The following CCR7 variants were observed in gnomAD, a reference collection of about 807,000 sequenced individuals.
The protein encoded by CCR7 is C-C chemokine receptor type 7.
Under a neutral mutation model 26.0 loss-of-function variants are expected in CCR7, and 11 were observed. The observed-to-expected ratio is 0.42, with a 90% CI of 0.27 to 0.70. The LOEUF (loss-of-function observed/expected upper bound fraction) is 0.70, where lower values mean the gene tolerates loss of function less well. Ranked by LOEUF, CCR7 falls within the 30% of genes least tolerant of loss-of-function variation. The probability of loss-of-function intolerance (pLI) is 0.23; values close to 1 mark genes in which losing one functional copy is unlikely to be tolerated. For synonymous variants in CCR7, 189 were observed against 202.1 expected (o/e 0.94, Z 0.55); for missense variants, 360 against 504.0 (o/e 0.71, Z 2.74).
In CCR7 at chr17:40,554,886, G is replaced by A; in HGVS notation, c.993C>T (p.Val331=). 1.9e-6 allele frequency: 3 copies of A among 1,614,238 alleles called. No homozygotes were observed. The highest frequency in any genetic ancestry group is 2.5e-6 in the Non-Finnish European group (3 of 1,180,044). ...VNPFLYAFIG[V]KFRNDLFKLF... is the part of the protein sequence containing the mutation. The stretch of plus-strand genomic sequence containing the variant: ...GCTTGAAGAGATCGTTGCGGAACTT[G>A]ACGCCGATGAAGGCGTACAAGAAAG... The change falls in exon 3 of 3, where the codon GTC becomes GTT. Residue 331 remains valine, a synonymous_variant. Coordinates refer to ENST00000246657, the MANE Select transcript of CCR7 (RefSeq NM_001838.4).
chr17:40,556,444 G>C (rs2036588215), intron 2 of CCR7, among the ~76,000 whole-genome samples: 1 of 152,214 alleles, frequency 6.6e-6, no homozygotes, highest in Non-Finnish European at 1.5e-5. Flanking sequence ...AAGTCTGAGA[G>C]ACTCTACATG....
At chr17:40,564,136 G>A (rs1266009802) in intron 1 of CCR7, among the ~76,000 whole-genome samples, 1 of 152,108 alleles carries the variant, frequency 6.6e-6, no homozygotes, top group Non-Finnish European at 1.5e-5. Flanking sequence ...GGATTTAAGG[G>A]TAGATTGGCT....
chr17:40,561,941 C>T (rs1305720194), intron 1 of CCR7, among the ~76,000 whole-genome samples: 1 of 152,142 alleles, frequency 6.6e-6, no homozygotes, highest in East Asian at 1.9e-4. Flanking sequence ...ACTGCTGTAT[C>T]CAATGAGATA....
chr17:40,563,165 C>T (rs183343300), intron 1 of CCR7, among the ~76,000 whole-genome samples: 3 of 152,312 alleles, frequency 2.0e-5, no homozygotes, highest in Admixed American at 6.5e-5. Context: ...GTGTCACTCT[C>T]CCCACCAGAC....
chr17:40,554,122 C>T lies in CCR7; in HGVS notation c.*620G>A, dbSNP rs2036547729. 6.5e-6 allele frequency: 1 copy of T among 152,760 alleles called. No individual in the cohort carries two copies. Among genetic ancestry groups the T allele is most frequent in the African/African-American group, 2.4e-5 (1 of 41,456 alleles). 9.5% of individuals were successfully genotyped at this position (152,760 alleles called of 1,614,324 possible). Reference sequence around the variant, plus strand: ...CACCACACTCTCCCCTGTTGAGAGCCTGGGAGGGCGACGCGGCAAGTGAGG... The same window carrying T: ...CACCACACTCTCCCCTGTTGAGAGCTTGGGAGGGCGACGCGGCAAGTGAGG... On this transcript the variant is annotated 3_prime_UTR_variant, in exon 3 of 3. Coordinates refer to ENST00000246657, the MANE Select transcript of CCR7 (RefSeq NM_001838.4).
At chr17:40,564,656 AGAGTT>A (rs1476632944) in intron 1 of CCR7, among the ~76,000 whole-genome samples, 1 of 152,172 alleles carries the variant, frequency 6.6e-6, no homozygotes, top group African/African-American at 2.4e-5. Flanking sequence ...TCTAAAGAGT[AGAGTT>A]ATCTGCCGGG....
Position 40,555,386 on chromosome 17 carries a change from G to C in CCR7, c.493C>G (p.His165Asp). 6.2e-7 allele frequency: 1 copy of C among 1,614,092 alleles called. No homozygotes were observed. The highest frequency in any genetic ancestry group is 8.5e-7 in the Non-Finnish European group (1 of 1,180,034). ...YVAIVQAVSA[H>D]RHRARVLLIS... ...AGAAGGACGCGGGCACGGTGGCGGT[G>C]AGCTGAGACAGCCTGGACGATGGCC... Residue 165 changes from histidine (H) to aspartate (D), a missense_variant, in exon 3 of 3, where the codon CAC becomes GAC. Coordinates refer to ENST00000246657, the MANE Select transcript of CCR7 (RefSeq NM_001838.4). This position sits in a 1 kb window ranked among gnomAD's most constrained non-coding sequence, Gnocchi z 5.6.
chr17:40,562,588 C>A (rs963320691), intron 1 of CCR7, among the ~76,000 whole-genome samples: 1 of 152,218 alleles, frequency 6.6e-6, no homozygotes, highest in East Asian at 1.9e-4. Flanking sequence ...AATTCACCTA[C>A]TTGAAAAATA....
At position 40,555,018 on chromosome 17, in the gene CCR7, C is replaced by T. The variant is rs755945560; in HGVS notation, c.861G>A (p.Thr287=). ...TACTGGTGATGTTGAAGTTGGCCAC[C>T]GTCTGGGCCAGGACCACCCCATTGT... ...LPYNGVVLAQ[T]VANFNITSST... The change falls in exon 3 of 3, where the codon ACG becomes ACA. Residue 287 remains threonine (T), a synonymous_variant. Coordinates refer to ENST00000246657, the MANE Select transcript of CCR7 (RefSeq NM_001838.4). This position sits in a 1 kb window ranked among gnomAD's most constrained non-coding sequence, Gnocchi z 5.6. 16 of 1,614,056 alleles carry T rather than the reference C, an allele frequency of 9.9e-6. No homozygotes were observed. Among genetic ancestry groups the T allele is most frequent in the East Asian group, 2.2e-5 (1 of 44,900 alleles).
At position 40,555,822 on chromosome 17, in the gene CCR7, C is replaced by T. The variant is rs747948317; in HGVS notation, c.61-4G>A. 1.0e-5 allele frequency: 16 copies of T among 1,605,142 alleles called. No homozygotes were observed. The African/African-American group carries it at 1.2e-4, about 12-fold the overall frequency. ...CCTCATCTTGACACAGGCATACCTTCGGGGAAGGAAATGAGGGAAAACAGG... is the reference window on the plus strand; with the variant it reads ...CCTCATCTTGACACAGGCATACCTTTGGGGAAGGAAATGAGGGAAAACAGG... On this transcript the variant is annotated splice_polypyrimidine_tract_variant and splice_region_variant and intron_variant, in intron 2 of 2. Transcript: ENST00000246657. The surrounding 1 kb of genome is among the most constrained non-coding windows in gnomAD (Gnocchi z 5.6).
At chr17:40,558,855 G>A (rs588019) in intron 2 of CCR7, 38 bp downstream of exon 2, 115,576 of 1,594,012 alleles carry the variant, frequency 0.073, 4,654 homozygotes, top group South Asian at 0.1. Flanking sequence ...AGGCCGTGTG[G>A]AGAAGGGAAC....
At chr17:40,560,465 C>T (rs1335247880) in intron 1 of CCR7, among the ~76,000 whole-genome samples, 1 of 152,202 alleles carries the variant, frequency 6.6e-6, no homozygotes, top group Non-Finnish European at 1.5e-5. Context: ...CTGGAAGCCT[C>T]CCTGCATGGC....
chr17:40,565,297 C>A (rs939798409), intron 1 of CCR7, 103 bp downstream of exon 1: 14 of 999,094 alleles, frequency 1.4e-5, no homozygotes, highest in Non-Finnish European at 2.1e-5. Flanking sequence ...CCAGGAAGCA[C>A]CCCTATGCGC....
intron 2 of CCR7, among the ~76,000 whole-genome samples, chr17:40,556,732 T>A (rs2143908197): frequency 6.6e-6 from 1 of 151,900 alleles, no homozygotes; most frequent in African/African-American, 2.4e-5. Flanking sequence ...CTTGGTGGAG[T>A]TTTCCAGGGG....
In CCR7 at chr17:40,555,570, T is replaced by G; in HGVS notation, c.309A>C (p.Ala103=). The G allele has an allele frequency of 6.2e-7, 1 of 1,614,096 alleles. No individual in the cohort carries two copies. The highest frequency in any genetic ancestry group is 1.3e-5 in the African/African-American group (1 of 75,036). ...GAAGGGTCAGGAGGAAGAGGATGTC[T>G]GCCACCGCCAGGTTGAGCAGGTAGG... ...TDTYLLNLAV[A]DILFLLTLPF... Residue 103 remains alanine, a synonymous_variant, in exon 3 of 3, where the codon GCA becomes GCC. Transcript: ENST00000246657. The surrounding 1 kb of genome is among the most constrained non-coding windows in gnomAD (Gnocchi z 5.6).
Position 40,554,889 on chromosome 17 carries a change from G to A in CCR7, c.990C>T (p.Gly330=), listed in dbSNP as rs559131183. The change falls in exon 3 of 3, where the codon GGC becomes GGT. Residue 330 remains glycine (G), a synonymous_variant. Transcript: ENST00000246657. ...CVNPFLYAFI[G]VKFRNDLFKL... is the part of the protein sequence containing the mutation. ...TGAAGAGATCGTTGCGGAACTTGACGCCGATGAAGGCGTACAAGAAAGGGT... is the reference window on the plus strand; with the variant it reads ...TGAAGAGATCGTTGCGGAACTTGACACCGATGAAGGCGTACAAGAAAGGGT... 97 of 1,614,194 alleles carry A rather than the reference G, an allele frequency of 6.0e-5. No homozygotes were observed. The South Asian group carries it at 1.0e-3, about 17-fold the overall frequency.
At chr17:40,558,992 G>T (rs984119925) in intron 1 of CCR7, 50 bp from the exon 2 acceptor site, 1 of 1,508,462 alleles carries the variant, frequency 6.6e-7, no homozygotes, top group African/African-American at 1.4e-5. Context: ...ACAAGTCTTT[G>T]TTATTAAAGA....
At position 40,553,938 on chromosome 17, in the gene CCR7, G is replaced by A. The variant is rs909371763; in HGVS notation, c.*804C>T. Reference sequence around the variant, plus strand: ...ACAAAGAACAAAGAACAAGCTCGTGGGCCTTGGGCGGCCACTGTCACCCTC... The same window carrying A: ...ACAAAGAACAAAGAACAAGCTCGTGAGCCTTGGGCGGCCACTGTCACCCTC... On this transcript the variant is annotated 3_prime_UTR_variant, in exon 3 of 3. Coordinates refer to ENST00000246657, the MANE Select transcript of CCR7 (RefSeq NM_001838.4). 1 of 152,144 alleles carries A rather than the reference G, an allele frequency of 6.6e-6. No individual in the cohort carries two copies. Among genetic ancestry groups the A allele is most frequent in the African/African-American group, 2.4e-5 (1 of 41,398 alleles). 9.4% of individuals were successfully genotyped at this position (152,144 alleles called of 1,614,324 possible).
intron 1 of CCR7, among the ~76,000 whole-genome samples, chr17:40,560,497 T>G (rs1229735691): frequency 6.6e-6 from 1 of 152,218 alleles, no homozygotes. Context: ...AGTTGGTTAA[T>G]GTGTTCCCCG....
Sources: gnomAD v4.1 joint callset for allele counts (sites outside exome capture counted in the v4.1 genomes callset) on GRCh38, gnomAD v4.1.1 for gene constraint, Gnocchi (gnomAD v3.1) non-coding constraint, MANE v1.5 for transcripts, NCBI Gene and HGNC (gene_info 2026-07-23, HGNC 2026-07-21) for gene names.